NMU: variants seen among roughly 807,000 people sequenced by gnomAD.
NMU encodes neuromedin U, also known as neuromedin-U.
NMU carries 29 observed loss-of-function variants against 35.4 expected under a neutral mutation model. The ratio of observed to expected loss-of-function variants is 0.82; its 90% CI spans 0.61 to 1.12. The LOEUF (loss-of-function observed/expected upper bound fraction) is 1.12, where lower values mean the gene tolerates loss of function less well. Among genes scored for constraint, NMU ranks in the 50% most tolerant of loss-of-function variants. The pLI, the probability that NMU is intolerant of heterozygous loss-of-function variation, is 0.00. For synonymous variants in NMU, 78 were observed against 81.3 expected (o/e 0.96, Z 0.22); for missense variants, 199 against 206.2 (o/e 0.97, Z 0.21).
At position 55,605,371 on chromosome 4, in the gene NMU, C is replaced by T. The variant is rs772207891; in HGVS notation, c.361-22G>A. On this transcript the variant is annotated intron_variant, in intron 6 of 9. Coordinates refer to ENST00000264218, the MANE Select transcript of NMU (RefSeq NM_006681.4). Reference sequence around the variant, plus strand: ...ACGACTGAGAGGACATGAACACACACGTGAATAAGTGCATGGCTTCTCAGC... The same window carrying T: ...ACGACTGAGAGGACATGAACACACATGTGAATAAGTGCATGGCTTCTCAGC... The T allele has an allele frequency of 5.8e-5, 92 of 1,580,336 alleles. No individual in the cohort carries two copies. The Admixed American group carries it at 1.1e-3, about 19-fold the overall frequency.
intron 3 of NMU, among the ~76,000 whole-genome samples, chr4:55,612,010 C>A (rs1045700178): frequency 1.3e-5 from 2 of 152,114 alleles, no homozygotes; most frequent in African/African-American, 4.8e-5. Flanking sequence ...GGGACCTTGG[C>A]CTTCTGATTT....
At chr4:55,600,966 C>T (rs951966778) in intron 7 of NMU, among the ~76,000 whole-genome samples, 2 of 151,928 alleles carry the variant, frequency 1.3e-5, no homozygotes, top group African/African-American at 4.8e-5. Context: ...AACCCATGAA[C>T]AGGGGAAAAT....
intron 3 of NMU, among the ~76,000 whole-genome samples, chr4:55,612,734 C>G (rs1217495799): frequency 1.3e-5 from 2 of 152,128 alleles, no homozygotes; most frequent in Non-Finnish European, 2.9e-5. Context: ...CCCCAACTCC[C>G]CTTTACAAGA....
In NMU at chr4:55,599,124, T is replaced by C. The variant is rs374916889; in HGVS notation, c.*4+18A>G. 10 of 1,539,762 alleles carry C rather than the reference T, an allele frequency of 6.5e-6. No homozygotes were observed. The highest frequency in any genetic ancestry group is 2.7e-5 in the African/African-American group (2 of 72,780). On this transcript the variant is annotated intron_variant, in intron 9 of 9. Coordinates refer to ENST00000264218, the MANE Select transcript of NMU (RefSeq NM_006681.4). Reference sequence around the variant, plus strand: ...ATACTATTTTATTTATTTATTTGTTTATTTATTTCTCACATACCATTTTAA... The same window carrying C: ...ATACTATTTTATTTATTTATTTGTTCATTTATTTCTCACATACCATTTTAA...
At chr4:55,617,340 A>T (rs981648760) in intron 2 of NMU, among the ~76,000 whole-genome samples, 2 of 152,182 alleles carry the variant, frequency 1.3e-5, no homozygotes, top group African/African-American at 4.8e-5. Flanking sequence ...TTACAGAAAA[A>T]GCATAAGCTT....
At chr4:55,636,774 G>A (rs1715948003), upstream of NMU, 1 of 152,400 alleles carries the variant, frequency 6.6e-6, no homozygotes, top group Non-Finnish European at 1.5e-5. The surrounding 1 kb of genome is among the most constrained non-coding windows in gnomAD (Gnocchi z 4.0). Flanking sequence ...TGCATATCAG[G>A]GCAGTGTTGG....
chr4:55,625,831 T>A (rs1734504676), intron 2 of NMU, among the ~76,000 whole-genome samples: 1 of 151,730 alleles, frequency 6.6e-6, no homozygotes, highest in Non-Finnish European at 1.5e-5. Flanking sequence ...TTGCTGGGTG[T>A]CTATCTAGTG....
chr4:55,619,366 T>G (rs1317113136), intron 2 of NMU, among the ~76,000 whole-genome samples: 1 of 132,984 alleles, frequency 7.5e-6, no homozygotes, highest in African/African-American at 2.8e-5. Context: ...GCGCAAGGGG[T>G]CAGGGAGTTC....
intron 3 of NMU, among the ~76,000 whole-genome samples, chr4:55,613,296 C>A (rs1734005451): frequency 1.3e-5 from 2 of 152,066 alleles, no homozygotes; most frequent in South Asian, 2.1e-4. Flanking sequence ...TACCCCTGAA[C>A]CTAAAATTAA....
At chr4:55,604,029 T>TATACATGTGTATATATACA (rs1577937041) in intron 7 of NMU, among the ~76,000 whole-genome samples, 1 of 1,992 alleles carries the variant, frequency 5.0e-4, no homozygotes, top group Non-Finnish European at 1.5e-3. Flanking sequence ...ATATATATAA[T>TATACATGTGTATATATACA]CCTAGAAATT....
At chr4:55,618,462 A>T (rs369040295) in intron 2 of NMU, among the ~76,000 whole-genome samples, 1 of 152,058 alleles carries the variant, frequency 6.6e-6, no homozygotes, top group Non-Finnish European at 1.5e-5. Flanking sequence ...ACGAGTGAGA[A>T]ATTGTGTTTG....
At chr4:55,609,228 T>C (rs766462470) in intron 3 of NMU, 49 bp from the exon 4 acceptor site, 3 of 1,425,540 alleles carry the variant, frequency 2.1e-6, no homozygotes, top group Non-Finnish European at 3.0e-6. Context: ...TTTAACGACA[T>C]TTACATAGAA....
chr4:55,633,608 C>T (rs1715732164), intron 1 of NMU, among the ~76,000 whole-genome samples: 1 of 152,168 alleles, frequency 6.6e-6, no homozygotes, highest in Admixed American at 6.5e-5. Context: ...AAAGTGAAAT[C>T]TTCATTCTTA....
At chr4:55,617,717 G>A (rs184349294) in intron 2 of NMU, among the ~76,000 whole-genome samples, 13 of 152,274 alleles carry the variant, frequency 8.5e-5, no homozygotes, top group Non-Finnish European at 1.9e-4. Context: ...ACCTCCAAAT[G>A]TCACCTTCTG....
chr4:55,602,391 T>G (rs1472171209), intron 7 of NMU, among the ~76,000 whole-genome samples: 2 of 152,234 alleles, frequency 1.3e-5, no homozygotes, highest in Non-Finnish European at 2.9e-5. Context: ...ATTATTTTCT[T>G]TCATAGCTTT....
Position 55,596,609 on chromosome 4 carries a change from C to T in NMU, c.*5-1198G>A, listed in dbSNP as rs28615642. On this transcript the variant is annotated intron_variant, in intron 9 of 9. Transcript: ENST00000264218. ...ATACAAAATTAAGGATATGTTTTCT[C>T]ATATTCCTTATGTGAACATAATTTA... 9.7e-3 allele frequency among the ~76,000 whole-genome samples: 1,477 copies of T among 152,182 alleles called. 18 individuals carry two copies. The highest frequency in any genetic ancestry group is 0.034 in the African/African-American group (1,410 of 41,552).
intron 9 of NMU, among the ~76,000 whole-genome samples, chr4:55,595,643 ATTTTT>A (rs1211166376): frequency 3.0e-5 from 2 of 66,382 alleles, no homozygotes; most frequent in Middle Eastern, 0.019. Context: ...ATATATATAT[ATTTTT>A]TTTTTTTTTT....
chr4:55,615,137 A>G (rs549389436), intron 3 of NMU, among the ~76,000 whole-genome samples: 51 of 152,390 alleles, frequency 3.3e-4, no homozygotes, highest in African/African-American at 1.2e-3. Flanking sequence ...CATCCAGTAA[A>G]GACAATGTAA....
At chr4:55,614,531 A>G (rs1364861616) in intron 3 of NMU, among the ~76,000 whole-genome samples, 1 of 152,234 alleles carries the variant, frequency 6.6e-6, no homozygotes, top group East Asian at 1.9e-4. Context: ...AATATACTAC[A>G]GTGAAACCAA....
Sources: gnomAD v4.1 joint callset for allele counts (sites outside exome capture counted in the v4.1 genomes callset) on GRCh38, gnomAD v4.1.1 for gene constraint, Gnocchi (gnomAD v3.1) non-coding constraint, MANE v1.5 for transcripts, NCBI Gene and HGNC (gene_info 2026-07-23, HGNC 2026-07-21) for gene names.